Variants in UNC5C observed in about 807,000 individuals in gnomAD.
UNC5C encodes the protein unc-5 netrin receptor C.
Under a neutral mutation model 99.8 loss-of-function variants are expected in UNC5C, and 47 were observed. The observed-to-expected ratio is 0.47, with a 90% CI of 0.37 to 0.60. UNC5C has a LOEUF of 0.60. Among genes scored for constraint, UNC5C ranks in the 20% least tolerant of loss-of-function variants. The pLI, the probability that UNC5C is intolerant of heterozygous loss-of-function variation, is 0.00. For synonymous variants in UNC5C, 487 were observed against 452.2 expected, an observed-to-expected ratio of 1.08 and a Z score of -0.98; for missense variants, 1,062 against 1,165.9, an observed-to-expected ratio of 0.91 and a Z score of 1.30.
chr4:95,511,192 A>G (rs931353255), intron 1 of UNC5C, among the ~76,000 whole-genome samples: 3 of 152,164 alleles, frequency 2.0e-5, no homozygotes, highest in African/African-American at 7.2e-5. Context: ...AGCAGAAGCT[A>G]ATAATATCAG....
chr4:95,531,206 A>G (rs1014090223), intron 1 of UNC5C, among the ~76,000 whole-genome samples: 1 of 152,126 alleles, frequency 6.6e-6, no homozygotes, highest in Non-Finnish European at 1.5e-5. Flanking sequence ...TTTTTCCTTA[A>G]ATGCTGTTTG....
chr4:95,218,194 TTAGA>T (rs1738332067), intron 9 of UNC5C, among the ~76,000 whole-genome samples: 1 of 152,178 alleles, frequency 6.6e-6, no homozygotes, highest in Admixed American at 6.5e-5. Flanking sequence ...CCCAAAAGAA[TTAGA>T]TAGATTTAGA....
intron 1 of UNC5C, among the ~76,000 whole-genome samples, chr4:95,358,593 C>A (rs1744288112): frequency 6.6e-6 from 1 of 152,188 alleles, no homozygotes; most frequent in African/African-American, 2.4e-5. Context: ...GCTACACTTC[C>A]TTCTCCACGT....
At chr4:95,171,290 A>T (rs1579193939) in intron 14 of UNC5C, among the ~76,000 whole-genome samples, 2 of 151,668 alleles carry the variant, frequency 1.3e-5, no homozygotes, top group Middle Eastern at 6.8e-3. Context: ...TGTGCAGGTT[A>T]GTTACATATG....
intron 12 of UNC5C, among the ~76,000 whole-genome samples, chr4:95,187,032 GAGA>G (rs922161778): frequency 1.2e-4 from 18 of 152,138 alleles, no homozygotes; most frequent in African/African-American, 3.9e-4. Context: ...TGTGGAAGTG[GAGA>G]AGAAGAAGAA....
At chr4:95,520,244 C>A (rs1028648048) in intron 1 of UNC5C, among the ~76,000 whole-genome samples, 20 of 152,092 alleles carry the variant, frequency 1.3e-4, no homozygotes, top group African/African-American at 4.6e-4. Flanking sequence ...GATATTTTGT[C>A]GTGTCATTCT....
At chr4:95,333,769 G>C (rs955747350) in intron 2 of UNC5C, among the ~76,000 whole-genome samples, 1 of 151,908 alleles carries the variant, frequency 6.6e-6, no homozygotes, top group Non-Finnish European at 1.5e-5. Context: ...TCCTATATAG[G>C]CATGTCATTA....
At chr4:95,331,844 G>A (rs1489153735) in intron 2 of UNC5C, among the ~76,000 whole-genome samples, 2 of 151,964 alleles carry the variant, frequency 1.3e-5, no homozygotes, top group Non-Finnish European at 1.5e-5. Flanking sequence ...ATAAGCGTTC[G>A]ATATTAGAAT....
intron 1 of UNC5C, among the ~76,000 whole-genome samples, chr4:95,432,447 C>CTAAA (rs1215516031): frequency 6.6e-6 from 1 of 152,066 alleles, no homozygotes; most frequent in Non-Finnish European, 1.5e-5. Context: ...TTTCCAAATG[C>CTAAA]TAAACTATTT....
chr4:95,193,566 C>T (rs975912259), intron 12 of UNC5C, among the ~76,000 whole-genome samples: 1 of 152,196 alleles, frequency 6.6e-6, no homozygotes, highest in African/African-American at 2.4e-5. Flanking sequence ...CATCAGATTT[C>T]ATGGAACCTG....
In UNC5C at chr4:95,185,066, T is replaced by C. The variant is rs1172390007; in HGVS notation, c.2267A>G (p.Lys756Arg). The change falls in exon 13 of 16, where the codon AAA becomes AGA. Residue 756 changes from lysine to arginine, a missense_variant. This residue lies in a region of UNC5C where 810 missense variants were observed against 854.5 expected (regional missense o/e 0.95). Transcript: ENST00000453304. Reference sequence around the variant, plus strand: ...CCTTACCTGATATTTAGCCAGCAATTTGCTCTTCCAGAGGGAATGGGCGAT... The same window carrying C: ...CCTTACCTGATATTTAGCCAGCAATCTGCTCTTCCAGAGGGAATGGGCGAT... ...HDIAHSLWKS[K>R]LLAKYQEIPF... 2 of 1,611,712 alleles carry C rather than the reference T, an allele frequency of 1.2e-6. No homozygotes were observed. Among genetic ancestry groups the C allele is most frequent in the Admixed American group, 3.4e-5 (2 of 59,174 alleles).
chr4:95,447,983 T>C (rs1285018305), intron 1 of UNC5C, among the ~76,000 whole-genome samples: 2 of 152,086 alleles, frequency 1.3e-5, no homozygotes, highest in Admixed American at 6.5e-5. Context: ...GGAAAGGGCT[T>C]TCATCAGTAG....
At position 95,206,792 on chromosome 4, in the gene UNC5C, G is replaced by A. The variant is rs1457720153; in HGVS notation, c.1738C>T (p.Pro580Ser). Residue 580 changes from proline (P) to serine (S), a missense_variant, in exon 11 of 16, where the codon CCC becomes TCC. By Grantham distance (74) the Pro-to-Ser change is moderately conservative. This residue lies in a region of UNC5C where 810 missense variants were observed against 854.5 expected (regional missense o/e 0.95). Transcript: ENST00000453304. ...AAAAGTGTCTGAGAGTCATCCATGG[G>A]TGGCCTAGGAGGAGAGCAGAGAATG... ...TVHRKETMRPPMDDSQTLLTP... is the reference protein window; with the variant it reads ...TVHRKETMRPSMDDSQTLLTP... 6.9e-6 allele frequency: 11 copies of A among 1,595,718 alleles called. 1 individual carries two copies. The South Asian group carries it at 1.1e-4, about 16-fold the overall frequency.
At chr4:95,296,733 C>T (rs1362302038) in intron 3 of UNC5C, among the ~76,000 whole-genome samples, 2 of 152,170 alleles carry the variant, frequency 1.3e-5, no homozygotes, top group African/African-American at 4.8e-5. Flanking sequence ...AAAAGAATAG[C>T]TTTCTTTCCT....
At chr4:95,222,135 G>A (rs1021276757) in intron 7 of UNC5C, 2 of 1,104,508 alleles carry the variant, frequency 1.8e-6, no homozygotes, top group African/African-American at 1.6e-5. Flanking sequence ...GTAATCCGAA[G>A]AAAGGTAAAC....
At chr4:95,258,743 A>ATTTTTTTTTTTTTT (rs1740102405) in intron 4 of UNC5C, among the ~76,000 whole-genome samples, 3 of 85,858 alleles carry the variant, frequency 3.5e-5, no homozygotes, top group South Asian at 4.4e-4. Flanking sequence ...CGACCATCTT[A>ATTTTTTTTTTTTTT]TTCTTTTTTT....
At chr4:95,403,043 A>G (rs868815922) in intron 1 of UNC5C, among the ~76,000 whole-genome samples, 3 of 152,306 alleles carry the variant, frequency 2.0e-5, no homozygotes, top group South Asian at 2.1e-4. Flanking sequence ...GTTCCATAGG[A>G]TGTCAAGAAC....
At chr4:95,245,413 G>C (rs1739467808) in intron 5 of UNC5C, among the ~76,000 whole-genome samples, 1 of 152,038 alleles carries the variant, frequency 6.6e-6, no homozygotes, top group South Asian at 2.1e-4. Flanking sequence ...TCTTTGGCCA[G>C]TGTTCTTAAA....
intron 1 of UNC5C, among the ~76,000 whole-genome samples, chr4:95,371,414 T>G: frequency 7.4e-5 from 4 of 54,326 alleles, no homozygotes; most frequent in East Asian, 2.5e-3. Flanking sequence ...AAAAACACAG[T>G]ATATTTTGTG....
Sources: gnomAD v4.1 joint callset for allele counts (sites outside exome capture counted in the v4.1 genomes callset) on GRCh38, gnomAD v4.1.1 for gene constraint, gnomAD v4.1.1 regional missense constraint, MANE v1.5 for transcripts, NCBI Gene and HGNC (gene_info 2026-07-23, HGNC 2026-07-21) for gene names.